The following PDE4D variants were observed in gnomAD, a reference collection of about 807,000 sequenced individuals.
PDE4D encodes the protein 3',5'-cyclic-AMP phosphodiesterase 4D.
Under a neutral mutation model 87.4 loss-of-function variants are expected in PDE4D, and 24 were observed. That is an observed-to-expected ratio of 0.27 (90% CI 0.20 to 0.39). The LOEUF is 0.39. PDE4D is among the 10% of genes least tolerant of loss of function. The pLI is 1.00. For synonymous variants in PDE4D, 384 were observed against 383.2 expected, an observed-to-expected ratio of 1.00 and a Z score of -0.02; for missense variants, 714 against 1,041.0, an observed-to-expected ratio of 0.69 and a Z score of 4.32.
At chr5:59,611,248 T>G (rs1354911086) in intron 1 of PDE4D, among the ~76,000 whole-genome samples, 1 of 152,150 alleles carries the variant, frequency 6.6e-6, no homozygotes, top group African/African-American at 2.4e-5. Context: ...CACTGCAAGC[T>G]CACAAGGCTC....
chr5:59,277,674 A>T (rs967117563), intron 1 of PDE4D, among the ~76,000 whole-genome samples: 5 of 152,154 alleles, frequency 3.3e-5, no homozygotes, highest in African/African-American at 9.7e-5. Flanking sequence ...CAGAGAATGT[A>T]ATGTCTGACT....
intron 3 of PDE4D, among the ~76,000 whole-genome samples, chr5:59,963,488 T>C (rs1278880489): frequency 6.6e-6 from 1 of 152,024 alleles, no homozygotes; most frequent in Non-Finnish European, 1.5e-5. Flanking sequence ...GAATTTTTAC[T>C]AGAACACAGT....
chr5:60,102,294 T>C (rs1776297338), intron 2 of PDE4D, among the ~76,000 whole-genome samples: 2 of 152,130 alleles, frequency 1.3e-5, no homozygotes, highest in South Asian at 2.1e-4. Context: ...AGTGGGTACA[T>C]GTGCAGATTT....
chr5:59,507,679 AAAAAG>A (rs557621145), intron 1 of PDE4D, among the ~76,000 whole-genome samples: 9 of 118,718 alleles, frequency 7.6e-5, no homozygotes, highest in Non-Finnish European at 1.3e-4. Context: ...AAAAAAAAAA[AAAAAG>A]AAAAGAAAAG....
chr5:59,057,735 C>T (rs2153409139), intron 5 of PDE4D, among the ~76,000 whole-genome samples: 1 of 152,312 alleles, frequency 6.6e-6, no homozygotes, highest in Middle Eastern at 3.4e-3. Context: ...TGTAGCTTGT[C>T]TTCGCTGATT....
intron 1 of PDE4D, among the ~76,000 whole-genome samples, chr5:60,292,487 G>A (rs1752978664): frequency 6.6e-6 from 1 of 152,182 alleles, no homozygotes; most frequent in Non-Finnish European, 1.5e-5. Context: ...AACCTTAAGA[G>A]AAAATGGTAT....
rs184136652 is a variant in PDE4D, at chr5:59,448,739, C to T, written c.456-232771G>A. ...ACCTTGACTTCAGGACTCACACGAT[C>T]CTCCCATTTCAGCCTCCTGAGTAGC... On this transcript the variant is annotated intron_variant, in intron 1 of 14. Coordinates refer to ENST00000340635, the MANE Select transcript of PDE4D (RefSeq NM_001104631.2). 2.5e-3 allele frequency among the ~76,000 whole-genome samples: 388 copies of T among 152,262 alleles called. 1 individual carries two copies. Among genetic ancestry groups the T allele is most frequent in the African/African-American group, 9.0e-3 (374 of 41,558 alleles).
At chr5:59,815,733 T>C (rs548869153) in intron 1 of PDE4D, among the ~76,000 whole-genome samples, 1 of 152,230 alleles carries the variant, frequency 6.6e-6, no homozygotes, top group East Asian at 1.9e-4. Context: ...GCATACAAAA[T>C]ACAGCCAAGG....
intron 1 of PDE4D, among the ~76,000 whole-genome samples, chr5:59,325,009 A>G (rs746749957): frequency 6.6e-5 from 10 of 152,168 alleles, no homozygotes; most frequent in Non-Finnish European, 1.5e-4. Flanking sequence ...TTTTGAGGAA[A>G]AGGATGTAGA....
At chr5:59,114,100 T>C (rs1284047035) in intron 5 of PDE4D, among the ~76,000 whole-genome samples, 3 of 152,174 alleles carry the variant, frequency 2.0e-5, no homozygotes. Context: ...TGTTTAACAT[T>C]ATTAGTTAAA....
At chr5:60,339,803 C>A (rs1758145776) in intron 1 of PDE4D, among the ~76,000 whole-genome samples, 1 of 152,200 alleles carries the variant, frequency 6.6e-6, no homozygotes. Flanking sequence ...TCTTTCTATT[C>A]CCCCTTGTGC....
intron 2 of PDE4D, chr5:60,021,952 A>G (rs1766108838): frequency 1.3e-5 from 2 of 152,194 alleles, no homozygotes; most frequent in South Asian, 4.1e-4. Context: ...GGCCCAAGTG[A>G]TTCTTCTGAC....
intron 1 of PDE4D, among the ~76,000 whole-genome samples, chr5:59,397,735 C>A (rs1329088835): frequency 1.7e-5 from 2 of 117,676 alleles, no homozygotes; most frequent in Non-Finnish European, 3.6e-5. Flanking sequence ...AAAATCAGAG[C>A]AGAACTGAAG....
intron 1 of PDE4D, among the ~76,000 whole-genome samples, chr5:60,203,375 A>G (rs1347268461): frequency 6.6e-6 from 1 of 152,248 alleles, no homozygotes; most frequent in Non-Finnish European, 1.5e-5. Context: ...ATATGAATAT[A>G]CAGGTGTTTA....
At chr5:60,517,890 C>T (rs890806362) in intron 1 of PDE4D, among the ~76,000 whole-genome samples, 2 of 152,204 alleles carry the variant, frequency 1.3e-5, no homozygotes, top group African/African-American at 4.8e-5. Context: ...CCTTGCTTGC[C>T]ATGTTGCAGG....
chr5:60,160,704 G>A, intron 2 of PDE4D: 1 of 336,808 alleles, frequency 3.0e-6, no homozygotes, highest in Non-Finnish European at 5.8e-6. Flanking sequence ...TGACTATCAT[G>A]GTTCTATGGA....
chr5:59,843,574 A>C (rs1374550330), intron 1 of PDE4D, among the ~76,000 whole-genome samples: 5 of 152,032 alleles, frequency 3.3e-5, no homozygotes, highest in Non-Finnish European at 5.9e-5. Context: ...CTAAGTTCCC[A>C]TCTGGTTCTC....
At chr5:60,511,347 T>C (rs1330395972) in intron 1 of PDE4D, among the ~76,000 whole-genome samples, 1 of 152,144 alleles carries the variant, frequency 6.6e-6, no homozygotes, top group Non-Finnish European at 1.5e-5. Flanking sequence ...ATACAGAATT[T>C]ATTATAAGCT....
At chr5:60,026,739 A>C (rs749778851) in intron 2 of PDE4D, among the ~76,000 whole-genome samples, 14 of 152,148 alleles carry the variant, frequency 9.2e-5, no homozygotes, top group Admixed American at 2.6e-4. Context: ...TCATTTACAA[A>C]CTTAAATCAG....
Sources: gnomAD v4.1 joint callset for allele counts (sites outside exome capture counted in the v4.1 genomes callset) on GRCh38, gnomAD v4.1.1 for gene constraint, MANE v1.5 for transcripts, NCBI Gene and HGNC (gene_info 2026-07-23, HGNC 2026-07-21) for gene names.